Variants in FSTL5 observed in about 807,000 individuals in gnomAD.
The protein encoded by FSTL5 is follistatin like 5, also known as follistatin-related protein 5.
A neutral mutation model predicts 89.1 loss-of-function variants in FSTL5; 62 were observed. The observed-to-expected ratio is 0.70, with a 90% CI of 0.57 to 0.86. The LOEUF (loss-of-function observed/expected upper bound fraction) is 0.86, where lower values mean the gene tolerates loss of function less well. Among genes scored for constraint, FSTL5 ranks in the 40% least tolerant of loss-of-function variants. The pLI is 0.00. For synonymous variants in FSTL5, 383 were observed against 346.2 expected, an observed-to-expected ratio of 1.11 and a Z score of -1.18; for missense variants, 1,057 against 1,001.6, an observed-to-expected ratio of 1.06 and a Z score of -0.75.
At chr4:162,157,721 C>T (rs1398813804) in intron 1 of FSTL5, among the ~76,000 whole-genome samples, 1 of 152,106 alleles carries the variant, frequency 6.6e-6, no homozygotes, top group Non-Finnish European at 1.5e-5. Flanking sequence ...TCAAACTTTT[C>T]TATCTCCTTT....
intron 4 of FSTL5, among the ~76,000 whole-genome samples, chr4:161,806,393 G>T (rs1729967377): frequency 6.6e-6 from 1 of 152,060 alleles, no homozygotes; most frequent in Non-Finnish European, 1.5e-5. Flanking sequence ...AGTGCCTCAA[G>T]CACTCTAATA....
At chr4:161,629,463 C>T (rs1012420476) in intron 7 of FSTL5, among the ~76,000 whole-genome samples, 5 of 152,086 alleles carry the variant, frequency 3.3e-5, no homozygotes, top group Non-Finnish European at 5.9e-5. Flanking sequence ...CTGTCTCAGC[C>T]TCCCTGGTAG....
At chr4:161,435,466 T>G (rs894859255) in intron 15 of FSTL5, among the ~76,000 whole-genome samples, 3 of 145,012 alleles carry the variant, frequency 2.1e-5, no homozygotes, top group Non-Finnish European at 4.7e-5. Flanking sequence ...TGGGGATGGT[T>G]AGTGGATACA....
intron 3 of FSTL5, among the ~76,000 whole-genome samples, chr4:161,966,458 C>A (rs975023733): frequency 6.6e-6 from 1 of 152,024 alleles, no homozygotes; most frequent in Non-Finnish European, 1.5e-5. Flanking sequence ...GTGAAGTATA[C>A]AAAACCCCAG....
chr4:162,148,730 T>C (rs1250030869), intron 1 of FSTL5, among the ~76,000 whole-genome samples: 1 of 152,234 alleles, frequency 6.6e-6, no homozygotes, highest in Non-Finnish European at 1.5e-5. Context: ...AAATATGATA[T>C]GAAAGTGCAC....
chr4:161,678,337 A>G (rs2126705804), intron 6 of FSTL5, among the ~76,000 whole-genome samples: 1 of 152,010 alleles, frequency 6.6e-6, no homozygotes, highest in Admixed American at 6.6e-5. Flanking sequence ...GAAAAACAGA[A>G]TAGTGTCAAA....
chr4:161,940,256 A>T (rs550715446), intron 3 of FSTL5, among the ~76,000 whole-genome samples: 12 of 151,978 alleles, frequency 7.9e-5, no homozygotes, highest in East Asian at 3.9e-4. Flanking sequence ...GTAAAAATTT[A>T]AAAAAATTGA....
In FSTL5 at chr4:161,509,469, C is replaced by A. The variant is rs186981275; in HGVS notation, c.1339+929G>T. 4.0e-5 allele frequency among the ~76,000 whole-genome samples: 6 copies of A among 151,606 alleles called. 1 individual carries two copies. Among genetic ancestry groups the A allele is most frequent in the Non-Finnish European group, 7.4e-5 (5 of 67,906 alleles). On this transcript the variant is annotated intron_variant, in intron 11 of 15. Coordinates refer to ENST00000306100, the MANE Select transcript of FSTL5 (RefSeq NM_020116.5). Reference sequence around the variant, plus strand: ...AACCCAGGTTTTAATGGAGTTCATACAAAAGATTTAAGGAGCAACGGGATC... The same window carrying A: ...AACCCAGGTTTTAATGGAGTTCATAAAAAAGATTTAAGGAGCAACGGGATC...
chr4:161,878,332 A>G (rs1732515256), intron 4 of FSTL5, among the ~76,000 whole-genome samples: 1 of 152,106 alleles, frequency 6.6e-6, no homozygotes, highest in South Asian at 2.1e-4. Context: ...AATAATGAAT[A>G]TGCATATGTA....
intron 8 of FSTL5, among the ~76,000 whole-genome samples, chr4:161,556,739 CA>C (rs548426652): frequency 2.8e-5 from 4 of 144,908 alleles, no homozygotes; most frequent in African/African-American, 7.6e-5. Flanking sequence ...TGTAAAAAAG[CA>C]AAAAAAACCC....
intron 2 of FSTL5, among the ~76,000 whole-genome samples, chr4:162,044,724 T>C (rs1738106811): frequency 6.6e-6 from 1 of 152,220 alleles, no homozygotes; most frequent in South Asian, 2.1e-4. Context: ...TTAGGTTTTC[T>C]TAATAACTTT....
intron 3 of FSTL5, among the ~76,000 whole-genome samples, chr4:162,007,424 T>C (rs949104680): frequency 2.6e-5 from 4 of 151,836 alleles, no homozygotes; most frequent in African/African-American, 9.7e-5. Flanking sequence ...CAAGTAAATG[T>C]ATTTTTCAAA....
intron 3 of FSTL5, among the ~76,000 whole-genome samples, chr4:161,923,136 C>T (rs1005917417): frequency 6.6e-5 from 10 of 151,980 alleles, no homozygotes; most frequent in Admixed American, 6.6e-4. Context: ...ATAGATGCCT[C>T]GTGGTAGCCA....
intron 15 of FSTL5, among the ~76,000 whole-genome samples, chr4:161,423,075 C>T (rs547161952): frequency 6.6e-6 from 1 of 152,242 alleles, no homozygotes; most frequent in Non-Finnish European, 1.5e-5. Flanking sequence ...TTTCACTACA[C>T]TATGTCAAGT....
intron 1 of FSTL5, among the ~76,000 whole-genome samples, chr4:162,117,248 G>T (rs1308044390): frequency 6.6e-6 from 1 of 152,196 alleles, no homozygotes; most frequent in Non-Finnish European, 1.5e-5. Context: ...GGCCCCATCT[G>T]TCAGAGGGGA....
At chr4:161,882,989 T>C (rs1269940709) in intron 4 of FSTL5, among the ~76,000 whole-genome samples, 1 of 152,184 alleles carries the variant, frequency 6.6e-6, no homozygotes, top group Non-Finnish European at 1.5e-5. Context: ...TTGGGATCAA[T>C]AGTGAATTCT....
chr4:162,077,793 C>G (rs1392058342), intron 2 of FSTL5, among the ~76,000 whole-genome samples: 2 of 151,634 alleles, frequency 1.3e-5, no homozygotes, highest in African/African-American at 4.8e-5. Flanking sequence ...GATTTATTAA[C>G]CAAAATAAAA....
intron 6 of FSTL5, among the ~76,000 whole-genome samples, chr4:161,733,069 T>G (rs1309239703): frequency 6.6e-6 from 1 of 152,082 alleles, no homozygotes; most frequent in Admixed American, 6.6e-5. Context: ...ATAGATTAAC[T>G]TTTGTAGAAC....
intron 4 of FSTL5, among the ~76,000 whole-genome samples, chr4:161,823,345 G>T (rs78468414): frequency 0.19 from 28,851 of 152,050 alleles, 2,840 homozygotes; most frequent in East Asian, 0.3. Context: ...TGTCACCAAG[G>T]TGCTCTCAGA....
Sources: gnomAD v4.1 joint callset for allele counts (sites outside exome capture counted in the v4.1 genomes callset) on GRCh38, gnomAD v4.1.1 for gene constraint, MANE v1.5 for transcripts, NCBI Gene and HGNC (gene_info 2026-07-23, HGNC 2026-07-21) for gene names.